The following PTPRD variants were observed in gnomAD, a reference collection of about 807,000 sequenced individuals.
The protein encoded by PTPRD is receptor-type tyrosine-protein phosphatase delta.
A neutral mutation model predicts 214.5 loss-of-function variants in PTPRD; 34 were observed. The observed-to-expected ratio is 0.16, with a 90% confidence interval of 0.12 to 0.21. The LOEUF (loss-of-function observed/expected upper bound fraction) is 0.21. Among genes scored for constraint, PTPRD ranks in the 10% least tolerant of loss-of-function variants. PTPRD has a pLI of 1.00. For missense variants in PTPRD, 2,545 were observed against 2,398.7 expected, an observed-to-expected ratio of 1.06 and a Z score of -1.27; for synonymous variants, 1,128 against 845.7, an observed-to-expected ratio of 1.33 and a Z score of -5.79.
intron 2 of PTPRD, among the ~76,000 whole-genome samples, chr9:10,381,333 G>T (rs937976395): frequency 3.6e-4 from 55 of 151,972 alleles, no homozygotes; most frequent in African/African-American, 1.3e-3. Context: ...TGCTGCAATA[G>T]CAGGTATTCA....
At chr9:9,692,674 G>A (rs1179512512) in intron 7 of PTPRD, among the ~76,000 whole-genome samples, 1 of 149,772 alleles carries the variant, frequency 6.7e-6, no homozygotes, top group Non-Finnish European at 1.5e-5. Flanking sequence ...GACTGTCATT[G>A]GTATTGTGAT....
chr9:9,264,566 C>A (rs1938183862), intron 9 of PTPRD, among the ~76,000 whole-genome samples: 2 of 151,272 alleles, frequency 1.3e-5, no homozygotes, highest in South Asian at 4.2e-4. Flanking sequence ...AATTTCACAT[C>A]TTAGGAGTCC....
chr9:10,353,816 T>C (rs949949960), intron 2 of PTPRD, among the ~76,000 whole-genome samples: 9 of 152,000 alleles, frequency 5.9e-5, no homozygotes, highest in African/African-American at 1.7e-4. Context: ...TTAGAAAATA[T>C]GGCTTGGTAA....
chr9:9,715,138 C>G (rs950764301), intron 7 of PTPRD, among the ~76,000 whole-genome samples: 3 of 152,180 alleles, frequency 2.0e-5, no homozygotes, highest in African/African-American at 7.2e-5. Flanking sequence ...CTTTATGTCA[C>G]TGGACTTCAC....
At chr9:9,040,242 G>A (rs2099635366) in intron 10 of PTPRD, among the ~76,000 whole-genome samples, 2 of 152,106 alleles carry the variant, frequency 1.3e-5, no homozygotes, top group African/African-American at 4.8e-5. Context: ...GCAAAATCAG[G>A]ATTTGAAAGC....
At chr9:10,464,365 G>A (rs189835313) in intron 2 of PTPRD, among the ~76,000 whole-genome samples, 9 of 151,686 alleles carry the variant, frequency 5.9e-5, no homozygotes, top group African/African-American at 1.9e-4. Context: ...GAGCGATGGA[G>A]TGAGACACCA....
intron 33 of PTPRD, among the ~76,000 whole-genome samples, chr9:8,454,372 C>G (rs548456432): frequency 6.6e-6 from 1 of 152,194 alleles, no homozygotes; most frequent in Non-Finnish European, 1.5e-5. Context: ...CGCCTTTAAT[C>G]TGTTTTTTTC....
intron 3 of PTPRD, among the ~76,000 whole-genome samples, chr9:10,084,138 T>C (rs2098289021): frequency 6.6e-6 from 1 of 152,036 alleles, no homozygotes; most frequent in African/African-American, 2.4e-5. Flanking sequence ...TAAGTTAAAA[T>C]AGTAATACAT....
intron 9 of PTPRD, among the ~76,000 whole-genome samples, chr9:9,294,105 G>A (rs1170817150): frequency 6.6e-6 from 1 of 151,606 alleles, no homozygotes; most frequent in East Asian, 2.0e-4. Flanking sequence ...TATACAGTGT[G>A]CATTTGCCTT....
At chr9:9,826,090 T>G (rs1183437920) in intron 5 of PTPRD, among the ~76,000 whole-genome samples, 8 of 151,854 alleles carry the variant, frequency 5.3e-5, no homozygotes, top group African/African-American at 1.9e-4. Context: ...CAGGGACTCC[T>G]GCTTGTATGT....
chr9:9,366,294 C>G (rs909246670), intron 9 of PTPRD, among the ~76,000 whole-genome samples: 1 of 151,426 alleles, frequency 6.6e-6, no homozygotes, highest in Non-Finnish European at 1.5e-5. Context: ...TGAGGATTTA[C>G]GAGACGTTTT....
chr9:8,517,745 A>C (rs1273872219), intron 21 of PTPRD, 103 bp downstream of exon 21: 1 of 1,026,322 alleles, frequency 9.7e-7, no homozygotes, highest in Non-Finnish European at 1.4e-6. Context: ...AATCTCAAAA[A>C]TTAAAATTCA....
Position 8,526,645 on chromosome 9 carries a change from C to A in PTPRD, c.551-1G>T. On this transcript the variant is annotated splice_acceptor_variant, in intron 16 of 45. Coordinates refer to ENST00000381196, the MANE Select transcript of PTPRD (RefSeq NM_002839.4). LOFTEE classifies it high-confidence loss of function. ...CTCTTACCTCTTATTGGTGTACCAC[C>A]TGGGTGGATAATATGAATGCAAATA... 6.4e-7 allele frequency: 1 copy of A among 1,572,258 alleles called. No individual in the cohort carries two copies. Among genetic ancestry groups the A allele is most frequent in the Non-Finnish European group, 8.6e-7 (1 of 1,156,386 alleles).
chr9:9,850,498 C>G (rs2060348877), intron 5 of PTPRD, among the ~76,000 whole-genome samples: 1 of 151,712 alleles, frequency 6.6e-6, no homozygotes, highest in Admixed American at 6.6e-5. Context: ...TAATTCATAA[C>G]TAAAACAAAA....
At chr9:10,242,898 G>C (rs2091377498) in intron 3 of PTPRD, among the ~76,000 whole-genome samples, 1 of 141,958 alleles carries the variant, frequency 7.0e-6, no homozygotes, top group African/African-American at 2.5e-5. Flanking sequence ...AAAATTGCTG[G>C]AGTTTGAGAG....
chr9:9,405,953 G>C (rs1299223388), intron 8 of PTPRD, among the ~76,000 whole-genome samples: 3 of 151,978 alleles, frequency 2.0e-5, no homozygotes, highest in Non-Finnish European at 2.9e-5. Flanking sequence ...TAATCTGTTT[G>C]TGCTAAAAAA....
intron 9 of PTPRD, among the ~76,000 whole-genome samples, chr9:9,340,039 G>T (rs1399899538): frequency 6.6e-6 from 1 of 152,072 alleles, no homozygotes; most frequent in Non-Finnish European, 1.5e-5. Context: ...GAAGACATTA[G>T]CAATACAAAG....
chr9:9,080,244 C>G (rs934069307), intron 10 of PTPRD, among the ~76,000 whole-genome samples: 1 of 151,950 alleles, frequency 6.6e-6, no homozygotes, highest in Non-Finnish European at 1.5e-5. Context: ...AAGAGATGAC[C>G]AAATATCTTT....
intron 12 of PTPRD, among the ~76,000 whole-genome samples, chr9:8,652,711 G>C (rs546064595): frequency 1.3e-5 from 2 of 152,238 alleles, no homozygotes; most frequent in Admixed American, 1.3e-4. Flanking sequence ...GTAATCCCAA[G>C]TACTTGAGTG....
Sources: allele counts gnomAD v4.1 joint callset (sites outside exome capture counted in the v4.1 genomes callset), GRCh38; gene constraint gnomAD v4.1.1; transcripts MANE v1.5; gene names NCBI Gene and HGNC (gene_info 2026-07-23, HGNC 2026-07-21).